The following RSRC1 variants were observed in gnomAD, a reference collection of about 807,000 sequenced individuals.
RSRC1 encodes serine/Arginine-related protein 53.
In RSRC1, 39 loss-of-function variants were observed where a neutral mutation model predicts 49.1. That is an observed-to-expected ratio of 0.79 (90% CI 0.61 to 1.04). The LOEUF (loss-of-function observed/expected upper bound fraction) is 1.04, where lower values mean the gene tolerates loss of function less well. Ranked by LOEUF, RSRC1 falls within the 50% of genes least tolerant of loss-of-function variation. The pLI, the probability that RSRC1 is intolerant of heterozygous loss-of-function variation, is 0.00. For missense variants in RSRC1, 388 were observed against 402.4 expected (o/e 0.96, Z 0.31); for synonymous variants, 143 against 130.8 (o/e 1.09, Z -0.63).
intron 7 of RSRC1, among the ~76,000 whole-genome samples, chr3:158,516,232 C>G (rs1200646129): frequency 1.3e-5 from 2 of 152,004 alleles, no homozygotes; most frequent in African/African-American, 4.8e-5. Context: ...GTGGTTTTAT[C>G]TACTTTTGGT....
chr3:158,186,385 A>G (rs1323744007), intron 3 of RSRC1, among the ~76,000 whole-genome samples: 1 of 151,976 alleles, frequency 6.6e-6, no homozygotes, highest in African/African-American at 2.4e-5. Context: ...TTAATTGATT[A>G]CCTGTGAAGA....
intron 4 of RSRC1, among the ~76,000 whole-genome samples, chr3:158,230,234 T>G (rs1257243078): frequency 6.6e-6 from 1 of 152,106 alleles, no homozygotes; most frequent in Admixed American, 6.6e-5. Context: ...TCTTTCTTTT[T>G]TGCCAGGAAT....
chr3:158,322,727 T>A (rs1207860387), intron 5 of RSRC1, among the ~76,000 whole-genome samples: 1 of 152,352 alleles, frequency 6.6e-6, no homozygotes, highest in East Asian at 1.9e-4. Context: ...CTTCTAGGAC[T>A]TCAATTACAT....
At chr3:158,133,395 C>T (rs528181892) in intron 3 of RSRC1, among the ~76,000 whole-genome samples, 137 of 152,216 alleles carry the variant, frequency 9.0e-4, no homozygotes, top group African/African-American at 3.2e-3. Context: ...AGTGAAGCTG[C>T]TTGGTAATGC....
At chr3:158,382,333 A>C (rs949551311) in intron 6 of RSRC1, among the ~76,000 whole-genome samples, 1 of 152,082 alleles carries the variant, frequency 6.6e-6, no homozygotes, top group African/African-American at 2.4e-5. Flanking sequence ...GAAGGAATAC[A>C]CTCTAAAATA....
At chr3:158,445,490 A>C (rs1021729847) in intron 6 of RSRC1, among the ~76,000 whole-genome samples, 10 of 151,658 alleles carry the variant, frequency 6.6e-5, no homozygotes, top group Non-Finnish European at 1.5e-4. Flanking sequence ...AACCTCACAC[A>C]CCGGGGCATG....
intron 7 of RSRC1, among the ~76,000 whole-genome samples, chr3:158,470,481 C>T (rs1738089427): frequency 6.6e-6 from 1 of 151,614 alleles, no homozygotes; most frequent in Admixed American, 6.6e-5. Flanking sequence ...TTTTCTAAAA[C>T]CATGTTACAA....
At chr3:158,451,369 A>G (rs547603823) in intron 6 of RSRC1, among the ~76,000 whole-genome samples, 1 of 152,114 alleles carries the variant, frequency 6.6e-6, no homozygotes, top group African/African-American at 2.4e-5. Context: ...ATTATTATAT[A>G]GTCTTTAAAT....
chr3:158,117,614 T>A (rs1383035537), intron 1 of RSRC1, among the ~76,000 whole-genome samples: 1 of 134,014 alleles, frequency 7.5e-6, no homozygotes, highest in Non-Finnish European at 1.6e-5. Flanking sequence ...TTTTGGGTAA[T>A]TTTTTTTTGT....
chr3:158,499,364 G>A (rs1432775337), intron 7 of RSRC1, among the ~76,000 whole-genome samples: 5 of 152,088 alleles, frequency 3.3e-5, no homozygotes, highest in Admixed American at 6.5e-5. Flanking sequence ...GTGACAGAGC[G>A]AGACTGTCTC....
At chr3:158,505,492 T>G (rs1049970837) in intron 7 of RSRC1, among the ~76,000 whole-genome samples, 1 of 152,174 alleles carries the variant, frequency 6.6e-6, no homozygotes, top group African/African-American at 2.4e-5. Context: ...TTATATCATC[T>G]AGTGGGTGAA....
chr3:158,269,624 T>C (rs1725392537), intron 4 of RSRC1, among the ~76,000 whole-genome samples: 1 of 152,156 alleles, frequency 6.6e-6, no homozygotes, highest in African/African-American at 2.4e-5. Flanking sequence ...GTGACTCTCC[T>C]GCCTCAGCCT....
intron 4 of RSRC1, among the ~76,000 whole-genome samples, chr3:158,224,496 G>A (rs573431227): frequency 2.0e-4 from 30 of 151,886 alleles, no homozygotes; most frequent in Non-Finnish European, 4.0e-4. Context: ...TAGCACTTGA[G>A]TACTAAGGCT....
intron 6 of RSRC1, among the ~76,000 whole-genome samples, chr3:158,379,402 A>G (rs564958119): frequency 7.3e-5 from 11 of 151,654 alleles, no homozygotes; most frequent in Middle Eastern, 3.4e-3. Flanking sequence ...GGGTTTCACC[A>G]TGTTAGCCAG....
chr3:158,149,410 G>A (rs1268729422), intron 3 of RSRC1, among the ~76,000 whole-genome samples: 4 of 152,072 alleles, frequency 2.6e-5, no homozygotes, highest in Admixed American at 6.6e-5. Flanking sequence ...TTAAGATCAG[G>A]TATTCCCATC....
At chr3:158,542,657 G>A (rs1237185333) in intron 8 of RSRC1, among the ~76,000 whole-genome samples, 1 of 152,158 alleles carries the variant, frequency 6.6e-6, no homozygotes, top group Admixed American at 6.5e-5. Context: ...TTGTTACCTA[G>A]GATGGAAAGG....
intron 3 of RSRC1, among the ~76,000 whole-genome samples, chr3:158,198,615 C>T (rs1393300130): frequency 6.6e-6 from 1 of 152,156 alleles, no homozygotes; most frequent in East Asian, 1.9e-4. Context: ...CATGTTGTTG[C>T]AGTGGCTGGT....
At chr3:158,166,527 C>T (rs1301374187) in intron 3 of RSRC1, among the ~76,000 whole-genome samples, 1 of 152,140 alleles carries the variant, frequency 6.6e-6, no homozygotes, top group Non-Finnish European at 1.5e-5. Flanking sequence ...TAATCATTTC[C>T]TTAATGTTAA....
At chr3:158,521,009 G>A (rs1389180384) in intron 7 of RSRC1, among the ~76,000 whole-genome samples, 1 of 152,042 alleles carries the variant, frequency 6.6e-6, no homozygotes, top group Non-Finnish European at 1.5e-5. Context: ...ATACCTAAGA[G>A]GTTTGCAGAT....
Sources: gnomAD v4.1 joint callset for allele counts (sites outside exome capture counted in the v4.1 genomes callset) on GRCh38, gnomAD v4.1.1 for gene constraint, MANE v1.5 for transcripts, NCBI Gene and HGNC (gene_info 2026-07-23, HGNC 2026-07-21) for gene names.